TBC1D19: variants seen among roughly 807,000 people sequenced by gnomAD.
TBC1D19 encodes TBC1 domain family, member 19.
In TBC1D19, 60 loss-of-function variants were observed where a neutral mutation model predicts 89.0. The ratio of observed to expected loss-of-function variants is 0.67; its 90% CI spans 0.55 to 0.84. TBC1D19 has a LOEUF of 0.84. TBC1D19 is among the 40% of genes least tolerant of loss of function. The pLI, the probability that TBC1D19 is intolerant of heterozygous loss-of-function variation, is 0.00. For synonymous variants in TBC1D19, 189 were observed against 199.7 expected (o/e 0.95, Z 0.45); for missense variants, 500 against 610.8 (o/e 0.82, Z 1.91).
intron 10 of TBC1D19, among the ~76,000 whole-genome samples, chr4:26,673,215 T>C (rs1712468268): frequency 6.6e-6 from 1 of 151,738 alleles, no homozygotes; most frequent in African/African-American, 2.4e-5. Context: ...TGAAAATCCC[T>C]GTTTTCTGTT....
chr4:26,685,546 G>A (rs957958328), intron 12 of TBC1D19, among the ~76,000 whole-genome samples: 1 of 152,150 alleles, frequency 6.6e-6, no homozygotes, highest in Non-Finnish European at 1.5e-5. Context: ...TTGAGATAAA[G>A]AAAGAAATTT....
At chr4:26,605,775 G>A (rs1740958043) in intron 1 of TBC1D19, among the ~76,000 whole-genome samples, 1 of 152,056 alleles carries the variant, frequency 6.6e-6, no homozygotes, top group African/African-American at 2.4e-5. Flanking sequence ...ATCTCATTGT[G>A]GTTTTGATTT....
the TBC1D19 span, among the ~76,000 whole-genome samples, chr4:26,805,499 CCCACCCCATCCTT>C: frequency 2.6e-5 from 4 of 152,146 alleles, no homozygotes; most frequent in African/African-American, 9.7e-5. Flanking sequence ...TGCCTCTTGC[CCCACCCCATCCTT>C]CCCATCTTCT....
the TBC1D19 span, chr4:26,857,787 A>AG: frequency 6.6e-6 from 1 of 152,208 alleles, no homozygotes; most frequent in Non-Finnish European, 1.5e-5. Flanking sequence ...TGCGGGAGCG[A>AG]GGGGAGAAGA....
chr4:26,630,125 T>C (rs1034158533), intron 4 of TBC1D19, among the ~76,000 whole-genome samples: 1 of 151,738 alleles, frequency 6.6e-6, no homozygotes, highest in African/African-American at 2.4e-5. Context: ...TAAAAAGTAG[T>C]AATGCTATAC....
At chr4:26,594,274 G>C (rs1441372213) in intron 1 of TBC1D19, among the ~76,000 whole-genome samples, 1 of 152,086 alleles carries the variant, frequency 6.6e-6, no homozygotes, top group African/African-American at 2.4e-5. Flanking sequence ...CTCACTCATA[G>C]GTGGGAATTG....
intron 15 of TBC1D19, among the ~76,000 whole-genome samples, chr4:26,732,231 G>A (rs535459649): frequency 2.6e-4 from 39 of 152,236 alleles, no homozygotes; most frequent in African/African-American, 9.4e-4. Flanking sequence ...AAGACCAGTT[G>A]CCCTCAGTAA....
At chr4:26,778,890 CT>C in the TBC1D19 span, among the ~76,000 whole-genome samples, 1,308 of 152,262 alleles carry the variant, frequency 8.6e-3, 10 homozygotes, top group Admixed American at 0.014. Flanking sequence ...TTATGGCATA[CT>C]GATATCCCTT....
intron 17 of TBC1D19, chr4:26,740,647 CCTGA>C (rs912947491): frequency 2.0e-6 from 2 of 985,130 alleles, no homozygotes; most frequent in East Asian, 1.1e-4. Flanking sequence ...TTCCCATAAA[CCTGA>C]CTAAGAGCAG....
At chr4:26,653,074 T>A (rs1339345671) in intron 7 of TBC1D19, among the ~76,000 whole-genome samples, 1 of 152,228 alleles carries the variant, frequency 6.6e-6, no homozygotes, top group African/African-American at 2.4e-5. Flanking sequence ...TGTGCCTTTT[T>A]TCTCATTGGT....
At chr4:26,617,481 A>G (rs1205682952) in intron 3 of TBC1D19, among the ~76,000 whole-genome samples, 1 of 152,364 alleles carries the variant, frequency 6.6e-6, no homozygotes, top group South Asian at 2.1e-4. Flanking sequence ...TATATGTCTT[A>G]TCTCTTGACT....
At chr4:26,837,409 G>A in the TBC1D19 span, among the ~76,000 whole-genome samples, 2 of 152,164 alleles carry the variant, frequency 1.3e-5, no homozygotes, top group African/African-American at 4.8e-5. Context: ...ATGAATGAGA[G>A]AGGAAAATCA....
At chr4:26,726,163 ACACACACACACACAC>A (rs1717307359) in intron 15 of TBC1D19, among the ~76,000 whole-genome samples, 1 of 149,498 alleles carries the variant, frequency 6.7e-6, no homozygotes, top group African/African-American at 2.4e-5. Context: ...ACACACACAC[ACACACACACACACAC>A]ATCAGGAAAC....
chr4:26,609,663 G>C (rs575415113), intron 1 of TBC1D19, among the ~76,000 whole-genome samples: 2 of 152,066 alleles, frequency 1.3e-5, no homozygotes, highest in African/African-American at 2.4e-5. Context: ...GATAAGTTGG[G>C]TCTACATTGT....
At chr4:26,582,123 C>G (rs1739082229), upstream of TBC1D19, among the ~76,000 whole-genome samples, 1 of 151,964 alleles carries the variant, frequency 6.6e-6, no homozygotes, top group Non-Finnish European at 1.5e-5. Context: ...ACATATGTTG[C>G]TATGTTTATT....
the TBC1D19 span, among the ~76,000 whole-genome samples, chr4:26,803,321 T>A: frequency 1.3e-5 from 2 of 152,162 alleles, no homozygotes; most frequent in African/African-American, 4.8e-5. Flanking sequence ...AAATGCAGGC[T>A]CCGGGAGGAT....
At chr4:26,637,621 C>G (rs559479229) in intron 5 of TBC1D19, among the ~76,000 whole-genome samples, 1 of 152,148 alleles carries the variant, frequency 6.6e-6, no homozygotes, top group Admixed American at 6.5e-5. Flanking sequence ...ATCCGCCCAC[C>G]TTGGCCTCCC....
chr4:26,743,027 G>A (rs781379057), intron 18 of TBC1D19, among the ~76,000 whole-genome samples: 2 of 152,050 alleles, frequency 1.3e-5, no homozygotes, highest in African/African-American at 4.8e-5. Context: ...TTAAAGGAAA[G>A]CAAATCAGGT....
chr4:26,593,020 T>C (rs1221655305), intron 1 of TBC1D19, among the ~76,000 whole-genome samples: 4 of 152,118 alleles, frequency 2.6e-5, no homozygotes, highest in African/African-American at 7.2e-5. Flanking sequence ...AAAAAGATCC[T>C]GCATTGCCAA....
Sources: allele counts gnomAD v4.1 joint callset (sites outside exome capture counted in the v4.1 genomes callset), GRCh38; gene constraint gnomAD v4.1.1; transcripts MANE v1.5; gene names NCBI Gene and HGNC (gene_info 2026-07-23, HGNC 2026-07-21).